Variants in ENTR1 observed in about 807,000 individuals in gnomAD.
The protein encoded by ENTR1 is endosome-associated-trafficking regulator 1.
In ENTR1, 47 loss-of-function variants were observed where a neutral mutation model predicts 47.9. The observed-to-expected ratio is 0.98, with a 90% confidence interval of 0.78 to 1.25. ENTR1 has a LOEUF of 1.25. Ranked by LOEUF, ENTR1 falls within the 50% of genes most tolerant of loss-of-function variation. ENTR1 has a pLI of 0.00. For missense variants in ENTR1, 668 were observed against 570.5 expected, an observed-to-expected ratio of 1.17 and a Z score of -1.74; for synonymous variants, 290 against 245.8, an observed-to-expected ratio of 1.18 and a Z score of -1.68.
chr9:136,403,198 G>A (rs563854919), intron 9 of ENTR1, among the ~76,000 whole-genome samples: 15 of 140,924 alleles, frequency 1.1e-4, no homozygotes, highest in African/African-American at 2.2e-4. Flanking sequence ...TTTCCAGAGC[G>A]GGGAGGGATT....
chr9:136,410,088 A>T lies in ENTR1; in HGVS notation c.220+2T>A. On this transcript the variant is annotated splice_donor_variant, in intron 2 of 9. Coordinates refer to ENST00000357365, the MANE Select transcript of ENTR1 (RefSeq NM_001039707.2). LOFTEE classifies it high-confidence loss of function. Reference sequence around the variant, plus strand: ...CCCGGGGCCGGCGCCCTCGTCTCTCACCTGTGTCTCCCACGGAAGCCAGCA... The same window carrying T: ...CCCGGGGCCGGCGCCCTCGTCTCTCTCCTGTGTCTCCCACGGAAGCCAGCA... 1.9e-6 allele frequency: 3 copies of T among 1,612,190 alleles called. No homozygotes were observed.
chr9:136,408,969 CAAG>C (rs770918969), intron 3 of ENTR1, 27 bp downstream of exon 3: 14 of 1,597,720 alleles, frequency 8.8e-6, no homozygotes, highest in African/African-American at 4.0e-5. Flanking sequence ...TGGATGGAGA[CAAG>C]AAGAAAAGGT....
At position 136,410,587 on chromosome 9, in the gene ENTR1, A is replaced by T; in HGVS notation, c.-190T>A. The T allele has an allele frequency of 6.6e-6, 8 of 1,219,258 alleles. No individual in the cohort carries two copies. Among genetic ancestry groups the T allele is most frequent in the Non-Finnish European group, 8.3e-6 (8 of 964,374 alleles). 75.5% of individuals were successfully genotyped at this position (1,219,258 alleles called of 1,614,324 possible). ...TCCGAGCACCGAAAGCGCGTGCCTG[A>T]ACGCCTTGGGCCGTCGGCGAGGGGG... is the stretch of plus-strand genomic sequence containing the variant. On this transcript the variant is annotated 5_prime_UTR_variant, in exon 1 of 10. Transcript: ENST00000357365.
intron 6 of ENTR1, 66 bp from the exon 7 acceptor site, chr9:136,405,268 CCT>C (rs1481098672): frequency 1.6e-6 from 2 of 1,280,142 alleles, no homozygotes; most frequent in Non-Finnish European, 2.3e-6. Flanking sequence ...CAAAAAGATA[CCT>C]CATGAGCCAG....
rs369696101 is a variant in ENTR1, at chr9:136,410,092, G to C, written c.218C>G (p.Thr73Arg). 1 of 1,612,614 alleles carries C rather than the reference G, an allele frequency of 6.2e-7. No homozygotes were observed. The highest frequency in any genetic ancestry group is 1.3e-5 in the African/African-American group (1 of 74,878). The part of the protein sequence containing the change: ...PSPVLASVGD[T>R]DFGYGKGKCS... ...GGGCCGGCGCCCTCGTCTCTCACCT[G>C]TGTCTCCCACGGAAGCCAGCACCGG... The change falls in exon 2 of 10, where the codon ACA (threonine) becomes AGA (arginine). Residue 73 changes from threonine to arginine, a missense_variant and splice_region_variant. Transcript: ENST00000357365.
chr9:136,408,276 G>C (rs1361371925), intron 3 of ENTR1, among the ~76,000 whole-genome samples: 1 of 152,154 alleles, frequency 6.6e-6, no homozygotes, highest in South Asian at 2.1e-4. Flanking sequence ...CCTGTGCTAG[G>C]AGCTCTCAAA....
Position 136,407,400 on chromosome 9 carries a change from G to C in ENTR1, c.564C>G (p.Tyr188Ter). The change falls in exon 5 of 10, where the codon TAC (tyrosine) becomes TAG (stop). Residue 188 changes from tyrosine to a stop codon, truncating the protein, a stop_gained. Transcript: ENST00000357365. LOFTEE classifies it high-confidence loss of function. ...GAGTCTGCTCGATGGCGGACGGCAG[G>C]TAGGCCCCACTCCATCCGGTGTCCT... ...EDEDTGWSGA[Y>*]LPSAIEQTHP... 1 of 1,608,134 alleles carries C rather than the reference G, an allele frequency of 6.2e-7. No individual in the cohort carries two copies.
intron 9 of ENTR1, 155 bp downstream of exon 9, chr9:136,403,900 A>C: frequency 2.4e-6 from 2 of 847,170 alleles, no homozygotes; most frequent in Non-Finnish European, 3.6e-6. Context: ...TGACCCAGAG[A>C]GCTAACAGGA....
chr9:136,408,502 T>C (rs112629651), intron 3 of ENTR1, among the ~76,000 whole-genome samples: 8,460 of 151,152 alleles, frequency 0.056, 470 homozygotes, highest in African/African-American at 0.13. Flanking sequence ...GGCGTGAACC[T>C]GGGAGGTGGA....
chr9:136,409,862 C>G (rs902946122), intron 2 of ENTR1: 1 of 688,992 alleles, frequency 1.5e-6, no homozygotes, highest in African/African-American at 1.8e-5. Context: ...CCTGTGCTCC[C>G]CGGGCACTAA....
At chr9:136,406,042 T>C (rs11145910) in intron 5 of ENTR1, 64 bp from the exon 6 acceptor site, 293,377 of 1,243,824 alleles carry the variant, frequency 0.24, 36,180 homozygotes, top group Admixed American at 0.27. Flanking sequence ...CGTGTGCTTC[T>C]GCGGTGTGGC....
intron 6 of ENTR1, among the ~76,000 whole-genome samples, chr9:136,405,600 G>T (rs1399814559): frequency 2.6e-5 from 4 of 152,190 alleles, no homozygotes; most frequent in Non-Finnish European, 5.9e-5. Flanking sequence ...AAATTAGCCA[G>T]GTGCAGTGGC....
chr9:136,405,152 C>T lies in ENTR1; in HGVS notation c.944G>A (p.Ser315Asn). Reference sequence around the variant, plus strand: ...CACCGACTCCAGGTCGTGGTAGTCGCTTTCCTCCTTGATCATTTTTGCTTC... The same window carrying T: ...CACCGACTCCAGGTCGTGGTAGTCGTTTTCCTCCTTGATCATTTTTGCTTC... ...KLEAKMIKEE[S>N]DYHDLESVVQ... Residue 315 changes from serine (S) to asparagine (N), a missense_variant, in exon 7 of 10, where the codon AGC becomes AAC. Coordinates refer to ENST00000357365, the MANE Select transcript of ENTR1 (RefSeq NM_001039707.2). 6.2e-7 allele frequency: 1 copy of T among 1,614,032 alleles called. No homozygotes were observed. The highest frequency in any genetic ancestry group is 8.5e-7 in the Non-Finnish European group (1 of 1,179,956).
At position 136,410,040 on chromosome 9, in the gene ENTR1, G is replaced by C. The variant is rs779130249; in HGVS notation, c.220+50C>G. The C allele has an allele frequency of 3.7e-6, 6 of 1,606,842 alleles. No homozygotes were observed. In the South Asian group the frequency reaches 6.6e-5, roughly 18 times the overall value. On this transcript the variant is annotated intron_variant, in intron 2 of 9. Transcript: ENST00000357365. ...TCGTGCTGCAGCGGAGGTGCCACAC[G>C]TGGCGCGGGAACTGGAAGCGTCCCC... is the stretch of plus-strand genomic sequence containing the variant.
intron 6 of ENTR1, chr9:136,405,412 C>T: frequency 1.8e-6 from 1 of 545,686 alleles, no homozygotes; most frequent in African/African-American, 1.9e-5. Flanking sequence ...GCTGCTCCAA[C>T]AAGGTGTTTG....
In ENTR1 at chr9:136,410,192, C is replaced by T; in HGVS notation, c.118G>A (p.Glu40Lys). 6.2e-7 allele frequency: 1 copy of T among 1,604,432 alleles called. No homozygotes were observed. Residue 40 changes from glutamate to lysine, a missense_variant, in exon 2 of 10, where the codon GAG (glutamate) becomes AAG (lysine). Coordinates refer to ENST00000357365, the MANE Select transcript of ENTR1 (RefSeq NM_001039707.2). The stretch of plus-strand genomic sequence containing the variant: ...TCCAGGTCCCTGCCATGGGGGCGCT[C>T]ACAATTTAGCTGGGGGAGACAAGAC... Reference protein sequence around the residue: ...RRSCLPQLNCERPHGRDLDSP... With the variant: ...RRSCLPQLNCKRPHGRDLDSP...
At chr9:136,405,766 A>G in intron 6 of ENTR1, 139 bp downstream of exon 6, 1 of 565,928 alleles carries the variant, frequency 1.8e-6, no homozygotes, top group Non-Finnish European at 3.0e-6. Flanking sequence ...CAGAACACAG[A>G]AATGTGTTTG....
At chr9:136,403,528 C>T (rs1397388666) in intron 9 of ENTR1, among the ~76,000 whole-genome samples, 1 of 151,848 alleles carries the variant, frequency 6.6e-6, no homozygotes, top group African/African-American at 2.4e-5. Flanking sequence ...ACAGGTTTTC[C>T]ACTCCTAGCT....
At chr9:136,404,430 A>C (rs1432660140) in intron 8 of ENTR1, among the ~76,000 whole-genome samples, 4 of 152,170 alleles carry the variant, frequency 2.6e-5, no homozygotes, top group African/African-American at 9.7e-5. Flanking sequence ...GCCCCGTGCC[A>C]GACCCCAAAC....
Sources: gnomAD v4.1 joint callset for allele counts (sites outside exome capture counted in the v4.1 genomes callset) on GRCh38, gnomAD v4.1.1 for gene constraint, MANE v1.5 for transcripts, NCBI Gene and HGNC (gene_info 2026-07-23, HGNC 2026-07-21) for gene names.